Variants in CSTPP1 observed in about 807,000 individuals in gnomAD.
The protein encoded by CSTPP1 is UPF0705 protein C11orf49.
At chr11:47,086,414 T>G in the CSTPP1 span, among the ~76,000 whole-genome samples, 1 of 151,208 alleles carries the variant, frequency 6.6e-6, no homozygotes, top group Non-Finnish European at 1.5e-5. Flanking sequence ...GAAAAAAAAT[T>G]TTTTAAAAAG....
At chr11:47,097,459 G>T in the CSTPP1 span, among the ~76,000 whole-genome samples, 5 of 53,376 alleles carry the variant, frequency 9.4e-5, no homozygotes, top group Admixed American at 3.6e-4. Context: ...GGTGGGGGGG[G>T]GTCGGCCCCC....
the CSTPP1 span, among the ~76,000 whole-genome samples, chr11:46,980,333 G>A: frequency 1.2e-4 from 18 of 152,276 alleles, no homozygotes; most frequent in African/African-American, 3.9e-4. Context: ...TGCCTCTGGC[G>A]TGTCTTTTAG....
the CSTPP1 span, chr11:47,164,134 G>C: frequency 6.2e-7 from 1 of 1,613,878 alleles, no homozygotes; most frequent in South Asian, 1.1e-5. Flanking sequence ...CGGCAGCACA[G>C]AGCCAAGGAG....
chr11:47,092,390 G>A, the CSTPP1 span, among the ~76,000 whole-genome samples: 1 of 152,158 alleles, frequency 6.6e-6, no homozygotes, highest in Non-Finnish European at 1.5e-5. Context: ...CCACATCTCT[G>A]ACTAGGAATG....
chr11:47,012,903 CAG>C, the CSTPP1 span, among the ~76,000 whole-genome samples: 2 of 151,402 alleles, frequency 1.3e-5, no homozygotes, highest in African/African-American at 2.4e-5. Context: ...AAACTTAAAA[CAG>C]AAATTTCTGA....
At chr11:46,960,056 A>G in the CSTPP1 span, among the ~76,000 whole-genome samples, 1 of 152,008 alleles carries the variant, frequency 6.6e-6, no homozygotes, top group African/African-American at 2.4e-5. Context: ...TAGTAGAGAC[A>G]GCGTTTCACC....
the CSTPP1 span, among the ~76,000 whole-genome samples, chr11:47,031,509 T>A: frequency 6.6e-6 from 1 of 151,948 alleles, no homozygotes; most frequent in African/African-American, 2.4e-5. Context: ...CTGGGCAACA[T>A]AACGAGACTC....
chr11:47,006,579 T>A, the CSTPP1 span, among the ~76,000 whole-genome samples: 1 of 151,604 alleles, frequency 6.6e-6, no homozygotes, highest in South Asian at 2.1e-4. Flanking sequence ...ACTCTCTCTC[T>A]GTCTCTGTCT....
At chr11:47,096,772 T>C in the CSTPP1 span, among the ~76,000 whole-genome samples, 3 of 150,676 alleles carry the variant, frequency 2.0e-5, no homozygotes, top group Admixed American at 6.6e-5. Flanking sequence ...CTCTCAATTA[T>C]GTCATTCTAA....
the CSTPP1 span, among the ~76,000 whole-genome samples, chr11:47,014,789 G>A: frequency 7.1e-6 from 1 of 140,160 alleles, no homozygotes; most frequent in East Asian, 2.5e-4. Flanking sequence ...GGGAGGGAGG[G>A]AGGGAAAGAG....
chr11:47,071,493 G>C, the CSTPP1 span, among the ~76,000 whole-genome samples: 1 of 152,226 alleles, frequency 6.6e-6, no homozygotes, highest in Non-Finnish European at 1.5e-5. Context: ...GTCAAAGTCT[G>C]TTGCTTTTAT....
At chr11:47,027,478 A>AG in the CSTPP1 span, among the ~76,000 whole-genome samples, 1 of 152,190 alleles carries the variant, frequency 6.6e-6, no homozygotes, top group African/African-American at 2.4e-5. Context: ...AGCAGCCCCC[A>AG]GGGTAGGACC....
chr11:47,164,006 GGGCA>G, the CSTPP1 span: 3 of 1,464,222 alleles, frequency 2.0e-6, no homozygotes, highest in African/African-American at 4.3e-5. Context: ...CCGTGACAAG[GGGCA>G]GGACTGCTGA....
the CSTPP1 span, among the ~76,000 whole-genome samples, chr11:47,149,216 C>G: frequency 1.3e-5 from 2 of 152,338 alleles, no homozygotes; most frequent in African/African-American, 4.8e-5. Flanking sequence ...TCTCTCTAGC[C>G]CGGAGGCATG....
At chr11:47,098,438 T>C in the CSTPP1 span, among the ~76,000 whole-genome samples, 2 of 151,916 alleles carry the variant, frequency 1.3e-5, no homozygotes, top group Admixed American at 6.6e-5. Flanking sequence ...TTCAGATATC[T>C]GTGCCAGAGG....
the CSTPP1 span, among the ~76,000 whole-genome samples, chr11:47,064,791 C>G: frequency 6.6e-6 from 1 of 152,180 alleles, no homozygotes; most frequent in Non-Finnish European, 1.5e-5. Context: ...GTTGCCCAGG[C>G]TGGAGTGCAG....
the CSTPP1 span, among the ~76,000 whole-genome samples, chr11:47,101,264 G>A: frequency 2.8e-5 from 4 of 141,446 alleles, no homozygotes; most frequent in Admixed American, 1.5e-4. Context: ...CAGGTGATCC[G>A]CCCACCTCAG....
chr11:47,162,590 G>A, the CSTPP1 span, among the ~76,000 whole-genome samples: 1 of 152,188 alleles, frequency 6.6e-6, no homozygotes, highest in Non-Finnish European at 1.5e-5. Flanking sequence ...ACAGTGGGAT[G>A]CAGCTGTGAA....
the CSTPP1 span, among the ~76,000 whole-genome samples, chr11:47,028,740 G>A: frequency 2.0e-5 from 3 of 152,180 alleles, no homozygotes; most frequent in Non-Finnish European, 4.4e-5. Context: ...ACATTTCAGG[G>A]CTTTAGGCTT....
Sources: allele counts gnomAD v4.1 joint callset (sites outside exome capture counted in the v4.1 genomes callset), GRCh38; gene constraint gnomAD v4.1.1; transcripts MANE v1.5; gene names NCBI Gene and HGNC (gene_info 2026-07-23, HGNC 2026-07-21).